PTPRS: variants seen among roughly 807,000 people sequenced by gnomAD.
PTPRS encodes the protein receptor-type tyrosine-protein phosphatase S.
PTPRS carries 63 observed loss-of-function variants against 215.3 expected under a neutral mutation model. The ratio of observed to expected loss-of-function variants is 0.29; its 90% CI spans 0.24 to 0.36. PTPRS has a LOEUF of 0.36. PTPRS is among the 10% of genes least tolerant of loss of function. The pLI, the probability that PTPRS is intolerant of heterozygous loss-of-function variation, is 1.00. For missense variants in PTPRS, 2,258 were observed against 2,825.8 expected (o/e 0.80, Z 4.56); for synonymous variants, 1,404 against 1,191.4 (o/e 1.18, Z -3.68).
rs1274670356 is a variant in PTPRS at position 5,237,356 on chromosome 19, C to T, written c.1849+1563G>A. Among the ~76,000 whole-genome samples the T allele has an allele frequency of 2.0e-5, 3 of 152,336 alleles. No homozygotes were observed. Among genetic ancestry groups the T allele is most frequent in the South Asian group, 2.1e-4 (1 of 4,828 alleles). On this transcript the variant is annotated intron_variant, in intron 13 of 37. Coordinates refer to ENST00000262963, the MANE Select transcript of PTPRS (RefSeq NM_002850.4). The surrounding 1 kb of genome is among the most constrained non-coding windows in gnomAD (Gnocchi z 4.2). ...CGGTTCTCCTGGGCCCCACCCGTCT[C>T]GGGGCAAGAAGCGGGGAGTCCCTTC...
intron 1 of PTPRS, among the ~76,000 whole-genome samples, chr19:5,308,702 G>T (rs2049585196): frequency 6.6e-6 from 1 of 152,138 alleles, no homozygotes; most frequent in South Asian, 2.1e-4. Context: ...TGGGGGTAGG[G>T]GAACTGTGGG....
rs1009056221 is a variant in PTPRS at position 5,250,521 on chromosome 19, G to T, written c.719-4476C>A. 5.0e-4 allele frequency among the ~76,000 whole-genome samples: 76 copies of T among 152,222 alleles called. 1 individual carries two copies. The highest frequency in any genetic ancestry group is 1.8e-3 in the African/African-American group (75 of 41,560). On this transcript the variant is annotated intron_variant, in intron 9 of 37. Coordinates refer to ENST00000262963, the MANE Select transcript of PTPRS (RefSeq NM_002850.4). ...CCGACCTGAATGGAGGGTCCAGGCA[G>T]GTTATAAGGGGACCACACCAGCCTT...
At chr19:5,211,312 GA>G (rs1401637117) in intron 33 of PTPRS, among the ~76,000 whole-genome samples, 2 of 152,190 alleles carry the variant, frequency 1.3e-5, no homozygotes, top group Non-Finnish European at 2.9e-5. Flanking sequence ...TAGTACTCAT[GA>G]AAATAAGAAA....
At chr19:5,282,826 CT>C (rs950131965) in intron 2 of PTPRS, among the ~76,000 whole-genome samples, 2 of 151,774 alleles carry the variant, frequency 1.3e-5, no homozygotes, top group African/African-American at 4.8e-5. Flanking sequence ...AGGGACCTGC[CT>C]TTGGTCACAC....
chr19:5,340,366 G>T (rs185230964), intron 1 of PTPRS, among the ~76,000 whole-genome samples: 2,778 of 151,270 alleles, frequency 0.018, 38 homozygotes, highest in Non-Finnish European at 0.029. Flanking sequence ...CGCTCTGGGC[G>T]CTTCCAGCCC....
At position 5,287,713 on chromosome 19, in the gene PTPRS, C is replaced by A. The variant is rs932186870; in HGVS notation, c.-94-1479G>T. 6.6e-6 allele frequency among the ~76,000 whole-genome samples: 1 copy of A among 152,068 alleles called. No individual in the cohort carries two copies. The highest frequency in any genetic ancestry group is 1.5e-5 in the Non-Finnish European group (1 of 68,006). ...GGGGCGGTCCCAGGGGAAGGATGGG[C>A]GGGTAGTGGCCGGGTCACAGCCTAG... On this transcript the variant is annotated intron_variant, in intron 1 of 37. Transcript: ENST00000262963. The surrounding 1 kb of genome is among the most constrained non-coding windows in gnomAD (Gnocchi z 4.8).
chr19:5,218,201 T>TA (rs1369635592), intron 25 of PTPRS, among the ~76,000 whole-genome samples: 28 of 129,694 alleles, frequency 2.2e-4, no homozygotes, highest in African/African-American at 6.7e-4. Context: ...AATGTTAACT[T>TA]TAAAAAAAAA....
intron 4 of PTPRS, among the ~76,000 whole-genome samples, chr19:5,268,050 G>C (rs1335172095): frequency 6.6e-6 from 1 of 151,940 alleles, no homozygotes; most frequent in Admixed American, 6.6e-5. Flanking sequence ...GGCACCTGTA[G>C]TCCCAGCTAC....
At chr19:5,284,759 C>T (rs1460750919) in intron 2 of PTPRS, among the ~76,000 whole-genome samples, 1 of 151,938 alleles carries the variant, frequency 6.6e-6, no homozygotes, top group Non-Finnish European at 1.5e-5. Context: ...CCAGCCTGGG[C>T]AACACAGTGA....
intron 1 of PTPRS, among the ~76,000 whole-genome samples, chr19:5,331,153 GAA>G (rs2050314706): frequency 8.1e-6 from 1 of 123,742 alleles, no homozygotes; most frequent in Non-Finnish European, 1.6e-5. Flanking sequence ...AAAAAAAAGA[GAA>G]GGCCTTGCTC....
At chr19:5,298,036 C>T (rs572478814) in intron 1 of PTPRS, among the ~76,000 whole-genome samples, 13 of 152,176 alleles carry the variant, frequency 8.5e-5, no homozygotes, top group East Asian at 5.8e-4. Flanking sequence ...CCTCATGATC[C>T]GCCCGCCTCG....
Position 5,231,387 on chromosome 19 carries a change from C to T in PTPRS, c.2078G>A (p.Arg693His). ...LEALEKWTQYRITTVAHTEVG... is the reference protein window; with the variant it reads ...LEALEKWTQYHITTVAHTEVG... ...CTCTGTGTGAGCGACAGTCGTGATG[C>T]GGTACTGGGTCCACTTCTCCAAGGC... Residue 693 changes from arginine to histidine, a missense_variant, in exon 14 of 38, where the codon CGC becomes CAC. Arg to His is a conservative substitution (Grantham distance 29, BLOSUM62 0). Around this residue, in one of 6 missense-constraint regions of PTPRS, gnomAD observed 371 missense variants for 446.7 expected, o/e 0.83. Transcript: ENST00000262963. The T allele has an allele frequency of 6.2e-7, 1 of 1,613,016 alleles. No individual in the cohort carries two copies. The highest frequency in any genetic ancestry group is 1.3e-5 in the African/African-American group (1 of 74,948).
intron 1 of PTPRS, among the ~76,000 whole-genome samples, chr19:5,306,148 A>ATTT (rs71172709): frequency 0.16 from 23,209 of 140,668 alleles, 2,528 homozygotes; most frequent in Non-Finnish European, 0.25. Context: ...ATACAGGGTG[A>ATTT]TTTTTTTTTT....
chr19:5,232,575 CCTA>C (rs2043105929), intron 13 of PTPRS, among the ~76,000 whole-genome samples: 1 of 150,608 alleles, frequency 6.6e-6, no homozygotes. Flanking sequence ...TTATTAGGCA[CCTA>C]CTATGTGCCA....
chr19:5,312,757 C>A (rs1281022732), intron 1 of PTPRS, among the ~76,000 whole-genome samples: 1 of 152,212 alleles, frequency 6.6e-6, no homozygotes. Flanking sequence ...GGTTCAAAGT[C>A]TTTTACACAT....
At chr19:5,229,205 AGAG>A (rs1303892388) in intron 16 of PTPRS, 108 bp downstream of exon 16, 22 of 1,189,832 alleles carry the variant, frequency 1.8e-5, no homozygotes, top group Middle Eastern at 4.3e-4. Context: ...GGGAGGGCCC[AGAG>A]GAGGAGACCG....
chr19:5,328,860 CACTCCGAGT>C (rs1274339648), intron 1 of PTPRS, among the ~76,000 whole-genome samples: 1 of 152,194 alleles, frequency 6.6e-6, no homozygotes, highest in Non-Finnish European at 1.5e-5. Context: ...CAACATCACC[CACTCCGAGT>C]ACTCTCAGAG....
intron 3 of PTPRS, among the ~76,000 whole-genome samples, chr19:5,273,836 C>G (rs544133365): frequency 6.6e-6 from 1 of 152,152 alleles, no homozygotes; most frequent in South Asian, 2.1e-4. Flanking sequence ...CAAATGTCTG[C>G]AAGCCCATGT....
intron 1 of PTPRS, among the ~76,000 whole-genome samples, chr19:5,336,192 CAG>C (rs1198479508): frequency 7.2e-6 from 1 of 139,426 alleles, no homozygotes; most frequent in Non-Finnish European, 1.5e-5. Context: ...AGAGACAAGA[CAG>C]AAATGGTACG....
Sources: allele counts gnomAD v4.1 joint callset (sites outside exome capture counted in the v4.1 genomes callset), GRCh38; gene constraint gnomAD v4.1.1; regional missense constraint gnomAD v4.1.1; non-coding constraint Gnocchi (gnomAD v3.1); transcripts MANE v1.5; gene names NCBI Gene and HGNC (gene_info 2026-07-23, HGNC 2026-07-21).